The following NCKAP1 variants were observed in gnomAD, a reference collection of about 807,000 sequenced individuals.
The protein encoded by NCKAP1 is NCK associated protein 1.
In NCKAP1, 21 loss-of-function variants were observed where a neutral mutation model predicts 151.2. The observed-to-expected ratio is 0.14, with a 90% CI of 0.10 to 0.20. NCKAP1 has a LOEUF of 0.20. Among genes scored for constraint, NCKAP1 ranks in the 10% least tolerant of loss-of-function variants. The pLI is 1.00. For missense variants in NCKAP1, 933 were observed against 1,352.1 expected (o/e 0.69, Z 4.86); for synonymous variants, 484 against 451.8 (o/e 1.07, Z -0.90).
Position 182,928,161 on chromosome 2 carries a change from T to C in NCKAP1, c.3136A>G (p.Ile1046Val), listed in dbSNP as rs1016857856. ...INQIAAALFTIHKGSIEDRLK... is the reference protein window; with the variant it reads ...INQIAAALFTVHKGSIEDRLK... ...CGGTCTTCAATGCTTCCTTTGTGAA[T>C]TGTAAACAAAGCTGCAGCAATCTGG... Residue 1046 changes from isoleucine to valine, a missense_variant, in exon 29 of 31, where the codon ATT (isoleucine) becomes GTT (valine). Ile to Val is a conservative substitution (Grantham distance 29). Around this residue, in one of 2 missense-constraint regions of NCKAP1, gnomAD observed 326 missense variants for 557.1 expected, o/e 0.59. Coordinates refer to ENST00000361354, the MANE Select transcript of NCKAP1 (RefSeq NM_013436.5). The C allele has an allele frequency of 1.2e-6, 2 of 1,612,698 alleles. No homozygotes were observed. The highest frequency in any genetic ancestry group is 1.3e-5 in the African/African-American group (1 of 74,898).
chr2:182,964,116 G>A (rs973150076), intron 17 of NCKAP1, among the ~76,000 whole-genome samples: 1 of 152,016 alleles, frequency 6.6e-6, no homozygotes, highest in Non-Finnish European at 1.5e-5. Flanking sequence ...AAGATTAGAA[G>A]AAACACTGAG....
intron 2 of NCKAP1, among the ~76,000 whole-genome samples, chr2:183,018,707 A>G (rs1698741821): frequency 6.6e-6 from 1 of 152,246 alleles, no homozygotes; most frequent in Admixed American, 6.5e-5. Flanking sequence ...AAGTGTGGAT[A>G]AGTTCAGGTC....
chr2:183,020,048 G>A (rs543157259), intron 2 of NCKAP1, among the ~76,000 whole-genome samples: 4 of 151,016 alleles, frequency 2.6e-5, no homozygotes, highest in Admixed American at 2.6e-4. Context: ...TGGAGGTGAG[G>A]GCAGTTATTA....
chr2:182,981,349 C>T lies in NCKAP1; in HGVS notation c.1236G>A (p.Met412Ile), dbSNP rs1267159117. 2 of 1,612,320 alleles carry T rather than the reference C, an allele frequency of 1.2e-6. No homozygotes were observed. Among genetic ancestry groups the T allele is most frequent in the Admixed American group, 1.7e-5 (1 of 59,968 alleles). ...DKHIAELIFY[M>I]EELRAHVRKY... ...TCCTCACATGTGCTCTAAGTTCTTCCATGTAAAATATTAATTCAGCAATGT... is the reference window on the plus strand; with the variant it reads ...TCCTCACATGTGCTCTAAGTTCTTCTATGTAAAATATTAATTCAGCAATGT... Residue 412 changes from methionine (M) to isoleucine (I), a missense_variant, in exon 13 of 31, where the codon ATG (methionine) becomes ATA (isoleucine). Physicochemically the swap from Met to Ile is conservative, Grantham distance 10 (BLOSUM62 1). This residue lies in a region of NCKAP1 where 607 missense variants were observed against 795.0 expected (regional missense o/e 0.76). Transcript: ENST00000361354.
At position 182,981,225 on chromosome 2, in the gene NCKAP1, A is replaced by G. The variant is rs759865011; in HGVS notation, c.1341+19T>C. 5.6e-6 allele frequency: 9 copies of G among 1,607,022 alleles called. No homozygotes were observed. The highest frequency in any genetic ancestry group is 2.2e-5 in the East Asian group (1 of 44,816). Reference sequence around the variant, plus strand: ...GGGAAGGAAGGAACAAAAGGGAAATAGTATGAGATAGTTTTTACCTGCACG... The same window carrying G: ...GGGAAGGAAGGAACAAAAGGGAAATGGTATGAGATAGTTTTTACCTGCACG... On this transcript the variant is annotated intron_variant, in intron 13 of 30. Transcript: ENST00000361354.
At chr2:182,982,212 C>CT (rs1697954542) in intron 12 of NCKAP1, among the ~76,000 whole-genome samples, 1 of 151,950 alleles carries the variant, frequency 6.6e-6, no homozygotes, top group Admixed American at 6.6e-5. Flanking sequence ...AAAACAAAAA[C>CT]TTTATCACCA....
At chr2:182,942,361 T>G (rs1167141683) in intron 23 of NCKAP1, among the ~76,000 whole-genome samples, 198 bp from the exon 24 acceptor site, 1 of 151,990 alleles carries the variant, frequency 6.6e-6, no homozygotes, top group Non-Finnish European at 1.5e-5. Flanking sequence ...TTCCCTTCAG[T>G]TTACAAATTC....
At chr2:183,005,719 T>C (rs1018712178) in intron 2 of NCKAP1, among the ~76,000 whole-genome samples, 3 of 152,116 alleles carry the variant, frequency 2.0e-5, no homozygotes, top group African/African-American at 7.2e-5. Context: ...CTAACTTACT[T>C]TTCCAATCTA....
At chr2:182,972,238 A>AC (rs1193919202) in intron 15 of NCKAP1, among the ~76,000 whole-genome samples, 3 of 150,728 alleles carry the variant, frequency 2.0e-5, no homozygotes, top group African/African-American at 7.3e-5. Flanking sequence ...AAAAAAAAAA[A>AC]AAAAAAACAA....
At chr2:183,001,595 C>G (rs999404037) in intron 6 of NCKAP1, among the ~76,000 whole-genome samples, 1 of 152,010 alleles carries the variant, frequency 6.6e-6, no homozygotes, top group African/African-American at 2.4e-5. Flanking sequence ...ACTGAGGTAT[C>G]GTGAGGTTAG....
In NCKAP1 at chr2:182,995,761, G is replaced by A. The variant is rs1468130315; in HGVS notation, c.681C>T (p.Ala227=). The change falls in exon 7 of 31, where the codon GCC becomes GCT. Residue 227 remains alanine, a synonymous_variant. Transcript: ENST00000361354. ...GTGCACTGATGAGGCTCAATAACTG[G>A]GCATTTCTCCACTGGTCAGCTGAAA... is the stretch of plus-strand genomic sequence containing the variant. ...RNLSADQWRN[A]QLLSLISAPS... The A allele has an allele frequency of 3.1e-6, 5 of 1,613,500 alleles. No individual in the cohort carries two copies. The South Asian group carries it at 4.4e-5, about 14-fold the overall frequency.
At chr2:182,994,935 A>G in intron 7 of NCKAP1, 48 bp from the exon 8 acceptor site, 1 of 1,452,940 alleles carries the variant, frequency 6.9e-7, no homozygotes, top group Non-Finnish European at 9.6e-7. Context: ...ATTCTAAAAA[A>G]TATTCCATAT....
chr2:182,978,565 ATATATGATTTGC>A (rs949887239), intron 14 of NCKAP1, among the ~76,000 whole-genome samples: 3 of 152,172 alleles, frequency 2.0e-5, no homozygotes, highest in Non-Finnish European at 4.4e-5. Flanking sequence ...CTTGGACCAA[ATATATGATTTGC>A]TACAAAATGC....
At position 183,008,336 on chromosome 2, in the gene NCKAP1, T is replaced by C. The variant is rs539243921; in HGVS notation, c.220-5011A>G. 3.7e-4 allele frequency among the ~76,000 whole-genome samples: 56 copies of C among 152,334 alleles called. No homozygotes were observed. In the South Asian group the frequency reaches 0.011, roughly 29 times the overall value. Reference sequence around the variant, plus strand: ...AATACAGGTGAATTCTCTATACTATTTTTGCAAAGTTTTTATAACTCTAAC... The same window carrying C: ...AATACAGGTGAATTCTCTATACTATCTTTGCAAAGTTTTTATAACTCTAAC... On this transcript the variant is annotated intron_variant, in intron 2 of 30. Coordinates refer to ENST00000361354, the MANE Select transcript of NCKAP1 (RefSeq NM_013436.5).
chr2:182,996,978 A>G (rs1362173764), intron 6 of NCKAP1, among the ~76,000 whole-genome samples: 1 of 152,098 alleles, frequency 6.6e-6, no homozygotes, highest in Non-Finnish European at 1.5e-5. Flanking sequence ...GAAATTTGGG[A>G]GGTTGTTATG....
At chr2:182,981,485 ATTGT>A in intron 12 of NCKAP1, 109 bp from the exon 13 acceptor site, 2 of 767,916 alleles carry the variant, frequency 2.6e-6, no homozygotes, top group Admixed American at 2.6e-5. Flanking sequence ...TATAAAGGGC[ATTGT>A]TTAATACTTA....
chr2:183,006,608 A>G (rs1036031432), intron 2 of NCKAP1, among the ~76,000 whole-genome samples: 4 of 152,124 alleles, frequency 2.6e-5, no homozygotes, highest in African/African-American at 9.7e-5. Context: ...AACTACAACA[A>G]TGAAGAACAA....
rs575030832 is a variant in NCKAP1 at position 182,957,190 on chromosome 2, T to C, written c.2021+267A>G. ...ATTGCTTATAATGTAACACACAAAA[T>C]TTTTTAAACATATAATTGGCCTTCA... is the stretch of plus-strand genomic sequence containing the variant. On this transcript the variant is annotated intron_variant, in intron 19 of 30. Transcript: ENST00000361354. The C allele has an allele frequency of 9.5e-5, 27 of 283,688 alleles. No homozygotes were observed. The South Asian group carries it at 2.7e-3, about 28-fold the overall frequency. The allele number at this position is 283,688 out of a possible 1,614,324, so 17.6% of individuals were successfully genotyped here. A position where few individuals can be genotyped will look rare whatever the true frequency, so the allele number is the denominator to read the frequency against.
intron 18 of NCKAP1, among the ~76,000 whole-genome samples, chr2:182,961,165 T>A (rs1215730783): frequency 6.6e-6 from 1 of 152,142 alleles, no homozygotes; most frequent in Non-Finnish European, 1.5e-5. Context: ...ATTGTGGAAG[T>A]CAGTGTGGCG....
Sources: gnomAD v4.1 joint callset for allele counts (sites outside exome capture counted in the v4.1 genomes callset) on GRCh38, gnomAD v4.1.1 for gene constraint, gnomAD v4.1.1 regional missense constraint, MANE v1.5 for transcripts, NCBI Gene and HGNC (gene_info 2026-07-23, HGNC 2026-07-21) for gene names.